Variants in UGT1A6 observed in about 807,000 individuals in gnomAD.
The protein encoded by UGT1A6 is UDP-glucuronosyltransferase 1A6.
In UGT1A6, 32 loss-of-function variants were observed where a neutral mutation model predicts 44.4. That is an observed-to-expected ratio of 0.72 (90% CI 0.54 to 0.97). UGT1A6 has a LOEUF of 0.97. Among genes scored for constraint, UGT1A6 ranks in the 50% least tolerant of loss-of-function variants. The pLI is 0.00. For synonymous variants in UGT1A6, 238 were observed against 248.5 expected, an observed-to-expected ratio of 0.96 and a Z score of 0.40; for missense variants, 685 against 661.9, an observed-to-expected ratio of 1.03 and a Z score of -0.38.
intron 1 of UGT1A6, among the ~76,000 whole-genome samples, chr2:233,698,365 C>T (rs1046100549): frequency 1.3e-5 from 2 of 152,148 alleles, no homozygotes; most frequent in African/African-American, 4.8e-5. Context: ...TGCTGAATGC[C>T]ATGAAATTGT....
intron 1 of UGT1A6, chr2:233,743,596 C>T (rs925952692): frequency 1.5e-6 from 2 of 1,367,220 alleles, no homozygotes; most frequent in Admixed American, 1.9e-5. Flanking sequence ...AGAATGGGTC[C>T]TGGCCGCCGA....
intron 1 of UGT1A6, chr2:233,743,560 C>A: frequency 7.3e-7 from 1 of 1,367,302 alleles, no homozygotes; most frequent in South Asian, 1.1e-5. Flanking sequence ...AAATATTCTC[C>A]AGCGGGTTTC....
chr2:233,715,209 C>T (rs920759938), intron 1 of UGT1A6, among the ~76,000 whole-genome samples: 4 of 152,060 alleles, frequency 2.6e-5, no homozygotes, highest in African/African-American at 9.7e-5. Context: ...TTTAAAAGAC[C>T]CTCTACTGAA....
intron 2 of UGT1A6, among the ~76,000 whole-genome samples, chr2:233,767,483 G>A (rs1215340946): frequency 1.3e-5 from 2 of 152,158 alleles, no homozygotes; most frequent in Admixed American, 6.5e-5. Context: ...TTAAATAGAA[G>A]TATTTCTCCA....
chr2:233,748,167 T>C, intron 1 of UGT1A6: 1 of 1,593,478 alleles, frequency 6.3e-7, no homozygotes, highest in Admixed American at 1.7e-5. Flanking sequence ...CCATATCTAC[T>C]TATCTTTCTG....
At chr2:233,724,341 C>T (rs1350319143) in intron 1 of UGT1A6, among the ~76,000 whole-genome samples, 3 of 121,020 alleles carry the variant, frequency 2.5e-5, no homozygotes, top group South Asian at 3.0e-4. Flanking sequence ...GGGGGGCTGA[C>T]CCCCCCCACC....
intron 1 of UGT1A6, among the ~76,000 whole-genome samples, chr2:233,720,213 A>G (rs1171832820): frequency 6.6e-6 from 1 of 152,188 alleles, no homozygotes; most frequent in East Asian, 1.9e-4. Flanking sequence ...GGTGGGATGG[A>G]TGCATGTGAT....
In UGT1A6 at chr2:233,744,891, T is replaced by C. The variant is rs1270091915; in HGVS notation, c.862-22143T>C. 7.2e-5 allele frequency among the ~76,000 whole-genome samples: 11 copies of C among 151,996 alleles called. No individual in the cohort carries two copies. The East Asian group carries it at 2.1e-3, about 29-fold the overall frequency. On this transcript the variant is annotated intron_variant, in intron 1 of 4. Coordinates refer to ENST00000305139, the MANE Select transcript of UGT1A6 (RefSeq NM_001072.4). ...GGATTAGTTTAGGACAACCCTCCTC[T>C]CCATACCAAAATCTAGATGCTCAAG...
At chr2:233,743,057 T>A (rs1175965330) in intron 1 of UGT1A6, 1 of 324,210 alleles carries the variant, frequency 3.1e-6, no homozygotes, top group Non-Finnish European at 6.0e-6. Flanking sequence ...GTCCCAACGA[T>A]AAGAACAGGT....
chr2:233,746,667 C>A (rs4663969), intron 1 of UGT1A6, among the ~76,000 whole-genome samples: 68,357 of 151,262 alleles, frequency 0.45, 16,045 homozygotes, highest in South Asian at 0.58. Context: ...GAGTTCCTAG[C>A]ATAGTAGGTA....
chr2:233,757,535 A>AATATATATACATATACATATATAT lies in UGT1A6; in HGVS notation c.862-9490_862-9489insCATATACATATATATATATATATA, dbSNP rs376887521. Among the ~76,000 whole-genome samples, 332 of 87,516 alleles carry AATATATATACATATACATATATAT rather than the reference A, an allele frequency of 3.8e-3. 5 individuals are homozygous for AATATATATACATATACATATATAT. Among genetic ancestry groups the AATATATATACATATACATATATAT allele is most frequent in the Middle Eastern group, 0.012 (2 of 168 alleles). The allele number at this position is 87,516 out of a possible 152,430, so 57.4% of individuals were successfully genotyped here. A position where few individuals can be genotyped will look rare whatever the true frequency, so the allele number is the denominator to read the frequency against. Reference sequence around the variant, plus strand: ...CAAAGCCAAAATCTTGCCTGTAAGGAATATATATATATATATATATATATA... The same window carrying AATATATATACATATACATATATAT: ...CAAAGCCAAAATCTTGCCTGTAAGGAATATATATACATATACATATATATATATATATATATATATATATATATA... On this transcript the variant is annotated intron_variant, in intron 1 of 4. Transcript: ENST00000305139.
intron 1 of UGT1A6, among the ~76,000 whole-genome samples, chr2:233,711,291 G>C (rs4233633): frequency 0.17 from 25,883 of 152,238 alleles, 2,419 homozygotes; most frequent in South Asian, 0.25. Context: ...AGACGTGGGA[G>C]TAGAAATTAG....
intron 1 of UGT1A6, chr2:233,713,215 T>TC: frequency 6.2e-7 from 1 of 1,614,220 alleles, no homozygotes; most frequent in South Asian, 1.1e-5. Flanking sequence ...GAGAACTTTT[T>TC]CACCCTGACA....
At chr2:233,713,146 A>G (rs2076284173) in intron 1 of UGT1A6, 1 of 1,614,234 alleles carries the variant, frequency 6.2e-7, no homozygotes, top group East Asian at 2.2e-5. Context: ...CGGGACCTCC[A>G]TGCGAGAGGC....
intron 1 of UGT1A6, among the ~76,000 whole-genome samples, chr2:233,698,201 C>A (rs1027505391): frequency 6.6e-6 from 1 of 152,102 alleles, no homozygotes; most frequent in African/African-American, 2.4e-5. Context: ...TATCAACATG[C>A]ACTTTTAATT....
chr2:233,741,851 G>T (rs1691795125), intron 1 of UGT1A6: 2 of 151,836 alleles, frequency 1.3e-5, no homozygotes, highest in South Asian at 4.1e-4. Flanking sequence ...TTGCTCTCAT[G>T]CCTTATGCAA....
At chr2:233,717,349 C>T (rs1413249189) in intron 1 of UGT1A6, among the ~76,000 whole-genome samples, 1 of 152,208 alleles carries the variant, frequency 6.6e-6, no homozygotes. Context: ...AAATCGTCCT[C>T]CCCTGGGGAG....
chr2:233,716,408 C>T (rs2076503557), intron 1 of UGT1A6, among the ~76,000 whole-genome samples: 2 of 152,112 alleles, frequency 1.3e-5, no homozygotes, highest in South Asian at 4.1e-4. Flanking sequence ...AAAGTGAAAC[C>T]CACATCTTAT....
At chr2:233,761,294 G>A in intron 1 of UGT1A6, 1 of 1,510,470 alleles carries the variant, frequency 6.6e-7, no homozygotes, top group East Asian at 2.3e-5. Context: ...TGACTCCTAG[G>A]TTTGAGTCTG....
Sources: gnomAD v4.1 joint callset for allele counts (sites outside exome capture counted in the v4.1 genomes callset) on GRCh38, gnomAD v4.1.1 for gene constraint, MANE v1.5 for transcripts, NCBI Gene and HGNC (gene_info 2026-07-23, HGNC 2026-07-21) for gene names.